The following ABCC4 variants were observed in gnomAD, a reference collection of about 807,000 sequenced individuals.
ABCC4 encodes the protein ATP binding cassette subfamily C member 4 (PEL blood group), also known as ATP-binding cassette sub-family C member 4.
ABCC4 carries 102 observed loss-of-function variants against 168.5 expected under a neutral mutation model. That is an observed-to-expected ratio of 0.61 (90% CI 0.52 to 0.71). The LOEUF (loss-of-function observed/expected upper bound fraction) is 0.71. Among genes scored for constraint, ABCC4 ranks in the 30% least tolerant of loss-of-function variants. The probability of loss-of-function intolerance (pLI) is 0.00; values close to 1 mark genes in which losing one functional copy is unlikely to be tolerated. For synonymous variants in ABCC4, 617 were observed against 590.7 expected, an observed-to-expected ratio of 1.04 and a Z score of -0.65; for missense variants, 1,402 against 1,605.8, an observed-to-expected ratio of 0.87 and a Z score of 2.17.
In ABCC4 at chr13:95,021,496, A is replaced by G; in HGVS notation, c.*79T>C. 1 of 998,578 alleles carries G rather than the reference A, an allele frequency of 1.0e-6. No individual in the cohort carries two copies. Among genetic ancestry groups the G allele is most frequent in the Non-Finnish European group, 1.5e-6 (1 of 658,042 alleles). 61.9% of individuals were successfully genotyped at this position (998,578 alleles called of 1,614,324 possible). A position where few individuals can be genotyped will look rare whatever the true frequency, so the allele number is the denominator to read the frequency against. Reference sequence around the variant, plus strand: ...GTATAAATATTTGTTGCCAAAGTAAAAAAAAGTACAATGTGGTTTACATAG... The same window carrying G: ...GTATAAATATTTGTTGCCAAAGTAAGAAAAAGTACAATGTGGTTTACATAG... On this transcript the variant is annotated 3_prime_UTR_variant, in exon 31 of 31. Coordinates refer to ENST00000645237, the MANE Select transcript of ABCC4 (RefSeq NM_005845.5).
intron 30 of ABCC4, among the ~76,000 whole-genome samples, chr13:95,025,248 CA>C (rs2031393978): frequency 4.3e-5 from 3 of 70,380 alleles, no homozygotes; most frequent in Admixed American, 1.5e-4. Context: ...CACACACACC[CA>C]CACACACACA....
intron 4 of ABCC4, among the ~76,000 whole-genome samples, chr13:95,217,206 T>C (rs549384740): frequency 6.6e-6 from 1 of 152,338 alleles, no homozygotes; most frequent in African/African-American, 2.4e-5. Context: ...AAATAAATCA[T>C]GTAATATCTA....
chr13:95,144,272 T>C (rs1400712524), intron 19 of ABCC4, among the ~76,000 whole-genome samples: 1 of 146,692 alleles, frequency 6.8e-6, no homozygotes, highest in African/African-American at 2.4e-5. Context: ...TATTATACTA[T>C]ATAGGAATGG....
chr13:95,137,848 G>A (rs1489662344), intron 19 of ABCC4, among the ~76,000 whole-genome samples: 1 of 152,204 alleles, frequency 6.6e-6, no homozygotes, highest in African/African-American at 2.4e-5. Context: ...TGCCATGTAT[G>A]TTTTTAACAT....
At position 95,161,212 on chromosome 13, in the gene ABCC4, A is replaced by G. The variant is rs776869758; in HGVS notation, c.2432T>C (p.Leu811Ser). The G allele has an allele frequency of 6.2e-7, 1 of 1,605,544 alleles. No individual in the cohort carries two copies. The highest frequency in any genetic ancestry group is 8.5e-7 in the Non-Finnish European group (1 of 1,178,230). Residue 811 changes from leucine (L) to serine (S), a missense_variant, in exon 19 of 31, where the codon TTA (leucine) becomes TCA (serine). This residue lies in a region of ABCC4 where 1,007 missense variants were observed against 1,127.3 expected (regional missense o/e 0.89). Coordinates refer to ENST00000645237, the MANE Select transcript of ABCC4 (RefSeq NM_005845.5). ...MFESILKAPVLFFDRNPIGRI... is the reference protein window; with the variant it reads ...MFESILKAPVSFFDRNPIGRI... ...ACCTATTGGATTTCTATCAAAGAAT[A>G]ATACCGGAGCTTTCAGAATTGACTC...
chr13:95,174,696 C>G (rs1026822367), intron 13 of ABCC4, among the ~76,000 whole-genome samples: 1 of 152,154 alleles, frequency 6.6e-6, no homozygotes, highest in African/African-American at 2.4e-5. Context: ...AAACAGCGTC[C>G]CACCGGGAAT....
chr13:95,113,742 G>A (rs528566334), intron 20 of ABCC4, among the ~76,000 whole-genome samples: 2 of 152,000 alleles, frequency 1.3e-5, no homozygotes, highest in Non-Finnish European at 2.9e-5. Context: ...CCCACTCATC[G>A]AATGCAAATC....
rs539734188 is a variant in ABCC4 at position 95,127,426 on chromosome 13, G to A, written c.2456-11425C>T. On this transcript the variant is annotated intron_variant, in intron 19 of 30. Transcript: ENST00000645237. ...TCAGCCTCTCAAGTAGCTGGCAGGT[G>A]TGTGCCACCATGCCCAGCTAATTTT... Among the ~76,000 whole-genome samples the A allele has an allele frequency of 1.6e-4, 24 of 152,214 alleles. 1 individual carries two copies. The highest frequency in any genetic ancestry group is 5.5e-4 in the African/African-American group (23 of 41,546).
chr13:95,245,056 C>CA (rs1198186228), intron 3 of ABCC4, among the ~76,000 whole-genome samples: 1 of 152,176 alleles, frequency 6.6e-6, no homozygotes, highest in East Asian at 1.9e-4. Context: ...CACGCTTCTA[C>CA]AGCCTCTACT....
At chr13:95,285,873 G>A (rs1256150714) in intron 1 of ABCC4, among the ~76,000 whole-genome samples, 6 of 152,132 alleles carry the variant, frequency 3.9e-5, no homozygotes, top group African/African-American at 1.2e-4. Context: ...GCCTTGTAAA[G>A]ATAAAGCCTG....
At chr13:95,207,699 A>T in intron 7 of ABCC4, 101 bp downstream of exon 7, 1 of 1,295,612 alleles carries the variant, frequency 7.7e-7, no homozygotes, top group Non-Finnish European at 1.1e-6. Flanking sequence ...ATTGTACTGA[A>T]CTTCCCATAA....
intron 16 of ABCC4, 33 bp downstream of exon 16, chr13:95,164,345 T>A: frequency 1.2e-6 from 2 of 1,612,816 alleles, no homozygotes; most frequent in Non-Finnish European, 1.7e-6. Flanking sequence ...GTAAATATCA[T>A]TTTGAGGGCG....
intron 8 of ABCC4, among the ~76,000 whole-genome samples, chr13:95,198,598 C>T (rs2139654690): frequency 6.6e-6 from 1 of 152,250 alleles, no homozygotes; most frequent in Non-Finnish European, 1.5e-5. Flanking sequence ...CCCAGCAATC[C>T]CATTACTGGG....
chr13:95,169,424 C>T (rs2037391279), intron 14 of ABCC4, among the ~76,000 whole-genome samples: 1 of 152,164 alleles, frequency 6.6e-6, no homozygotes, highest in South Asian at 2.1e-4. Context: ...TAGCCTCTGT[C>T]CTAGTTCCAG....
intron 20 of ABCC4, among the ~76,000 whole-genome samples, chr13:95,089,873 C>G (rs528409020): frequency 4.1e-5 from 6 of 145,142 alleles, no homozygotes; most frequent in Non-Finnish European, 7.5e-5. Context: ...GAGACTCTGT[C>G]AAAAAAAGAA....
chr13:95,189,047 C>A (rs1212802701), intron 9 of ABCC4, among the ~76,000 whole-genome samples: 6 of 151,128 alleles, frequency 4.0e-5, no homozygotes, highest in Non-Finnish European at 7.4e-5. Context: ...CCTCCCCTTG[C>A]CCCCCACCCA....
chr13:95,282,826 T>C (rs960957606), intron 1 of ABCC4, among the ~76,000 whole-genome samples: 2 of 151,832 alleles, frequency 1.3e-5, no homozygotes, highest in Non-Finnish European at 2.9e-5. Context: ...AGCCACCGTG[T>C]CCAGCCTAAA....
intron 1 of ABCC4, among the ~76,000 whole-genome samples, chr13:95,268,273 C>G (rs981232305): frequency 1.3e-5 from 2 of 152,182 alleles, no homozygotes; most frequent in Non-Finnish European, 2.9e-5. Context: ...TAAAAGTCAT[C>G]ACCACTCCCT....
chr13:95,144,487 T>C (rs2036422626), intron 19 of ABCC4, among the ~76,000 whole-genome samples: 1 of 152,174 alleles, frequency 6.6e-6, no homozygotes, highest in Non-Finnish European at 1.5e-5. Flanking sequence ...CATGATTCTA[T>C]ACCTGGAAAA....
Sources: gnomAD v4.1 joint callset for allele counts (sites outside exome capture counted in the v4.1 genomes callset) on GRCh38, gnomAD v4.1.1 for gene constraint, gnomAD v4.1.1 regional missense constraint, MANE v1.5 for transcripts, NCBI Gene and HGNC (gene_info 2026-07-23, HGNC 2026-07-21) for gene names.